LRP2BP: variants seen among roughly 807,000 people sequenced by gnomAD.
LRP2BP encodes LRP2-binding protein.
LRP2BP carries 38 observed loss-of-function variants against 45.2 expected under a neutral mutation model. The observed-to-expected ratio is 0.84, with a 90% CI of 0.65 to 1.10. The LOEUF (loss-of-function observed/expected upper bound fraction) is 1.10, where lower values mean the gene tolerates loss of function less well. Among genes scored for constraint, LRP2BP ranks in the 50% least tolerant of loss-of-function variants. The pLI is 0.00. For synonymous variants in LRP2BP, 153 were observed against 153.9 expected (o/e 0.99, Z 0.04); for missense variants, 385 against 418.9 (o/e 0.92, Z 0.71).
intron 1 of LRP2BP, among the ~76,000 whole-genome samples, chr4:185,390,072 T>C (rs1482643574): frequency 7.2e-5 from 11 of 152,244 alleles, no homozygotes; most frequent in Admixed American, 4.6e-4. Context: ...ACAATCCAAG[T>C]ACAGAATTCT....
intron 1 of LRP2BP, among the ~76,000 whole-genome samples, chr4:185,387,809 C>G (rs909881142): frequency 7.9e-5 from 12 of 152,310 alleles, no homozygotes; most frequent in Non-Finnish European, 1.2e-4. Flanking sequence ...CACCAGAGCT[C>G]GAGAAGCCAG....
In LRP2BP at chr4:185,389,548, T is replaced by C. The variant is rs1036155421; in HGVS notation, c.-22+5231A>G. On this transcript the variant is annotated intron_variant, in intron 1 of 8. Transcript: ENST00000505916. ...AAAACAAGTGAATAACAATGTAATATATGATGCTAAGTTCTATTCAGAGTA... is the reference window on the plus strand; with the variant it reads ...AAAACAAGTGAATAACAATGTAATACATGATGCTAAGTTCTATTCAGAGTA... Among the ~76,000 whole-genome samples the C allele has an allele frequency of 9.9e-5, 15 of 152,278 alleles. No individual in the cohort carries two copies. In the South Asian group the frequency reaches 2.9e-3, roughly 29 times the overall value.
chr4:185,370,904 G>A, intron 7 of LRP2BP, 90 bp from the exon 8 acceptor site: 3 of 1,381,958 alleles, frequency 2.2e-6, no homozygotes, highest in Admixed American at 1.8e-5. Context: ...CCTTGTGCCT[G>A]AAGTGATTTC....
Position 185,372,981 on chromosome 4 carries a change from A to G in LRP2BP, c.678T>C (p.Asp226=), listed in dbSNP as rs753357070. The part of the protein sequence containing the change: ...MYLYGQGIRQ[D]TEAALQCLRE... ...TTAAGCACTGCAGGGCAGCTTCCGTATCCTGCCGGATGCCTTGTCCATACA... is the reference window on the plus strand; with the variant it reads ...TTAAGCACTGCAGGGCAGCTTCCGTGTCCTGCCGGATGCCTTGTCCATACA... The change falls in exon 7 of 9, where the codon GAT becomes GAC. Residue 226 remains aspartate, a synonymous_variant. Transcript: ENST00000505916. The G allele has an allele frequency of 3.1e-6, 5 of 1,613,908 alleles. No individual in the cohort carries two copies. Among genetic ancestry groups the G allele is most frequent in the Middle Eastern group, 1.6e-4 (1 of 6,084 alleles).
At chr4:185,375,537 TA>T (rs2095434514) in intron 4 of LRP2BP, 75 bp downstream of exon 4, 1 of 207,948 alleles carries the variant, frequency 4.8e-6, no homozygotes, top group Admixed American at 7.5e-5. Context: ...TGTATTAAAA[TA>T]TAAATAATTT....
At chr4:185,372,388 G>C (rs2095418929) in intron 7 of LRP2BP, among the ~76,000 whole-genome samples, 1 of 152,192 alleles carries the variant, frequency 6.6e-6, no homozygotes, top group Non-Finnish European at 1.5e-5. Flanking sequence ...TTTACATTAA[G>C]TAAAATTTAA....
At chr4:185,393,880 T>C (rs2095494892) in intron 1 of LRP2BP, among the ~76,000 whole-genome samples, 1 of 151,952 alleles carries the variant, frequency 6.6e-6, no homozygotes. Flanking sequence ...TTGCGGGAGA[T>C]TCAATTCCAG....
At chr4:185,385,189 T>C (rs1469427720) in intron 1 of LRP2BP, among the ~76,000 whole-genome samples, 1 of 152,198 alleles carries the variant, frequency 6.6e-6, no homozygotes, top group Admixed American at 6.5e-5. Flanking sequence ...TTCCCGCCGT[T>C]TGTGTGGGCC....
At chr4:185,377,993 C>A in intron 2 of LRP2BP, 88 bp downstream of exon 2, 2 of 1,072,256 alleles carry the variant, frequency 1.9e-6, no homozygotes, top group Non-Finnish European at 2.7e-6. Flanking sequence ...ATCAATAAAA[C>A]ACATTATTTC....
At chr4:185,377,891 C>T (rs142230843) in intron 2 of LRP2BP, 190 bp downstream of exon 2, 3 of 545,764 alleles carry the variant, frequency 5.5e-6, no homozygotes, top group Non-Finnish European at 6.4e-6. Context: ...ATCTGTGAGA[C>T]CTCACTGACG....
chr4:185,368,723 T>G (rs923794519), intron 8 of LRP2BP, among the ~76,000 whole-genome samples: 16 of 152,104 alleles, frequency 1.1e-4, no homozygotes, highest in African/African-American at 3.9e-4. Context: ...GAGTACAGTA[T>G]CCTAGTTGCA....
chr4:185,366,518 A>G lies in LRP2BP; in HGVS notation c.*662T>C, dbSNP rs1262076588. 1.3e-5 allele frequency: 2 copies of G among 152,230 alleles called. No homozygotes were observed. The highest frequency in any genetic ancestry group is 6.5e-5 in the Admixed American group (1 of 15,286). 9.4% of individuals were successfully genotyped at this position (152,230 alleles called of 1,614,324 possible). On this transcript the variant is annotated 3_prime_UTR_variant, in exon 9 of 9. Coordinates refer to ENST00000505916, the MANE Select transcript of LRP2BP (RefSeq NM_001377440.1). ...CTTATAACCCACTTTTTTGAAGTTT[A>G]TATGTAATAAGCCAATTATTTATGA...
At chr4:185,394,392 T>C (rs760531937) in intron 1 of LRP2BP, among the ~76,000 whole-genome samples, 7 of 151,980 alleles carry the variant, frequency 4.6e-5, no homozygotes, top group Non-Finnish European at 8.8e-5. Context: ...GGAGTCAAAC[T>C]GACTTCAAAT....
chr4:185,374,592 G>T (rs2095426987), intron 4 of LRP2BP, 131 bp from the exon 5 acceptor site: 4 of 952,558 alleles, frequency 4.2e-6, no homozygotes, highest in Non-Finnish European at 6.1e-6. Flanking sequence ...GTGCCCAAGG[G>T]GTACAATTGT....
intron 7 of LRP2BP, among the ~76,000 whole-genome samples, chr4:185,371,286 T>C (rs7685497): frequency 3.2e-4 from 48 of 152,158 alleles, no homozygotes; most frequent in African/African-American, 9.6e-4. Flanking sequence ...ACGCCTGTAA[T>C]CCCAGCACTT....
At chr4:185,367,504 G>T (rs776828168) in intron 8 of LRP2BP, among the ~76,000 whole-genome samples, 5 of 152,114 alleles carry the variant, frequency 3.3e-5, no homozygotes, top group Non-Finnish European at 7.4e-5. Context: ...AAGCACCAAT[G>T]ATAGCATTGT....
At chr4:185,397,133 C>G, upstream of LRP2BP, 2 of 1,612,934 alleles carry the variant, frequency 1.2e-6, no homozygotes, top group Non-Finnish European at 1.7e-6. Flanking sequence ...GGTGCTGGAT[C>G]TGTTCTCTTC....
intron 1 of LRP2BP, among the ~76,000 whole-genome samples, chr4:185,392,616 TAAAA>T (rs57672293): frequency 6.6e-6 from 1 of 151,982 alleles, no homozygotes; most frequent in Admixed American, 6.6e-5. Context: ...AAAAAAAACT[TAAAA>T]AAAATCTATG....
intron 3 of LRP2BP, 85 bp downstream of exon 3, chr4:185,376,824 A>C: frequency 1.1e-6 from 1 of 888,678 alleles, no homozygotes; most frequent in Non-Finnish European, 1.8e-6. Flanking sequence ...AGTATAACAC[A>C]GTAAGAAACT....
Sources: allele counts gnomAD v4.1 joint callset (sites outside exome capture counted in the v4.1 genomes callset), GRCh38; gene constraint gnomAD v4.1.1; transcripts MANE v1.5; gene names NCBI Gene and HGNC (gene_info 2026-07-23, HGNC 2026-07-21).